The following PLAC1 variants were observed in gnomAD, a reference collection of about 807,000 sequenced individuals.
The protein encoded by PLAC1 is placenta-specific protein 1.
For synonymous variants in PLAC1, 68 were observed against 62.1 expected (o/e 1.09, Z -0.44); for missense variants, 136 against 163.2 (o/e 0.83, Z 0.91).
rs187846522 is a variant in PLAC1 at position 134,728,874 on chromosome X, T to C, written n.174+4561A>G. ...GATGTAATTATGATGCACATTTTTA[T>C]AGATGAGGAAACCGAGAAATGGGGA... On this transcript the variant is annotated intron_variant and non_coding_transcript_variant, in intron 2 of 2. Transcript: ENST00000466797. Among the ~76,000 whole-genome samples, 206 of 112,025 alleles carry C rather than the reference T, an allele frequency of 1.8e-3. 1 individual carries two copies. Among genetic ancestry groups the C allele is most frequent in the Non-Finnish European group, 2.6e-3 (136 of 53,217 alleles).
At chrX:134,681,020 T>A (rs1204189365) in intron 2 of PLAC1, among the ~76,000 whole-genome samples, 1 of 111,494 alleles carries the variant, frequency 9.0e-6, no homozygotes, top group African/African-American at 3.3e-5. Context: ...AGAATTGCAA[T>A]CAGGCTCATG....
intron 2 of PLAC1, among the ~76,000 whole-genome samples, chrX:134,586,564 G>A (rs1160992616): frequency 9.0e-6 from 1 of 111,051 alleles, no homozygotes; most frequent in Non-Finnish European, 1.9e-5. Flanking sequence ...AGGACGCAGA[G>A]GGCAGCTAGG....
chrX:134,703,189 T>A (rs971571907), intron 2 of PLAC1, among the ~76,000 whole-genome samples: 8 of 111,629 alleles, frequency 7.2e-5, no homozygotes, highest in African/African-American at 2.6e-4. Flanking sequence ...CAATAGGAAC[T>A]CAGATTGAAG....
intron 1 of PLAC1, among the ~76,000 whole-genome samples, chrX:134,652,127 T>C (rs1250687968): frequency 3.6e-5 from 4 of 111,498 alleles, no homozygotes; most frequent in Non-Finnish European, 7.5e-5. Context: ...TAATTAAGCC[T>C]TTTTGGGTTA....
At chrX:134,739,994 G>A (rs946781561) in intron 1 of PLAC1, among the ~76,000 whole-genome samples, 4 of 111,495 alleles carry the variant, frequency 3.6e-5, no homozygotes, top group Admixed American at 9.5e-5. Context: ...TAATTCAAAG[G>A]CCCTTCAAAA....
At chrX:134,619,650 CAAAAAAA>C (rs374028482) in intron 1 of PLAC1, among the ~76,000 whole-genome samples, 37 of 55,470 alleles carry the variant, frequency 6.7e-4, no homozygotes, top group African/African-American at 1.4e-3. Context: ...GACTCCATCT[CAAAAAAA>C]AAAAAAAGAA....
intron 2 of PLAC1, among the ~76,000 whole-genome samples, chrX:134,579,168 A>G (rs965137647): frequency 9.1e-6 from 1 of 110,147 alleles, no homozygotes; most frequent in African/African-American, 3.3e-5. Context: ...CCCCAATAGA[A>G]TGCACTCCCT....
intron 1 of PLAC1, among the ~76,000 whole-genome samples, chrX:134,744,802 G>A (rs767361644): frequency 9.0e-6 from 1 of 111,535 alleles, no homozygotes; most frequent in Non-Finnish European, 1.9e-5. Flanking sequence ...CTACCAGCCT[G>A]GGTTCCTAGG....
rs1251316010 is a variant in PLAC1 at position 134,621,644 on chromosome X, C to T, written c.-130-19522G>A. 4.5e-5 allele frequency among the ~76,000 whole-genome samples: 5 copies of T among 110,104 alleles called. 1 individual carries two copies. ...CTGAGTATGTTCACTCTCTCTTTTT[C>T]CCTGCTGCCCTTTTCTATTTTGCAA... On this transcript the variant is annotated intron_variant, in intron 1 of 2. Coordinates refer to ENST00000359237, the MANE Select transcript of PLAC1 (RefSeq NM_021796.4).
At chrX:134,578,338 G>A (rs1602792641) in intron 2 of PLAC1, among the ~76,000 whole-genome samples, 1 of 103,326 alleles carries the variant, frequency 9.7e-6, no homozygotes, top group Non-Finnish European at 2.0e-5. Context: ...GCGTGAACCC[G>A]GGAGGCAGAA....
At chrX:134,673,174 A>G (rs2078461761) in intron 2 of PLAC1, among the ~76,000 whole-genome samples, 1 of 109,093 alleles carries the variant, frequency 9.2e-6, no homozygotes, top group Admixed American at 9.9e-5. Context: ...GAAAGAAGGA[A>G]GACAGGGGAG....
intron 1 of PLAC1, among the ~76,000 whole-genome samples, chrX:134,656,713 T>C (rs764076475): frequency 2.7e-5 from 3 of 111,031 alleles, no homozygotes; most frequent in Non-Finnish European, 5.7e-5. Context: ...GCCTCCTGAG[T>C]AGCTAGGACC....
At chrX:134,597,438 A>C (rs1392720821) in intron 2 of PLAC1, among the ~76,000 whole-genome samples, 4 of 112,405 alleles carry the variant, frequency 3.6e-5, no homozygotes, top group Admixed American at 9.5e-5. Context: ...CTGTTTCAAA[A>C]TCTTTGTCAG....
At chrX:134,578,628 C>T (rs758420046) in intron 2 of PLAC1, among the ~76,000 whole-genome samples, 1 of 104,404 alleles carries the variant, frequency 9.6e-6, no homozygotes, top group African/African-American at 3.5e-5. Context: ...AGCGATCCTC[C>T]TGCCTCAGCC....
At chrX:134,705,882 C>T (rs1569408634) in intron 2 of PLAC1, among the ~76,000 whole-genome samples, 3 of 112,118 alleles carry the variant, frequency 2.7e-5, no homozygotes, top group Middle Eastern at 4.6e-3. Flanking sequence ...CTGCCAAGTA[C>T]GGCTAAAAAC....
intron 1 of PLAC1, among the ~76,000 whole-genome samples, chrX:134,608,674 T>G (rs2078134553): frequency 1.7e-5 from 1 of 58,140 alleles, no homozygotes; most frequent in South Asian, 5.8e-4. Flanking sequence ...CTTTTTTTCT[T>G]TTTTCTTTTT....
intron 2 of PLAC1, among the ~76,000 whole-genome samples, chrX:134,583,927 C>T (rs1374635309): frequency 1.8e-5 from 2 of 110,167 alleles, no homozygotes; most frequent in Admixed American, 9.7e-5. Context: ...AGAAAACAAA[C>T]GACTTCTGTA....
chrX:134,603,289 A>ATATATATATATATATATATATATT (rs2078099785), intron 1 of PLAC1, among the ~76,000 whole-genome samples: 1 of 1,243 alleles, frequency 8.0e-4, no homozygotes, highest in African/African-American at 2.3e-3. Context: ...ATATATATAT[A>ATATATATATATATATATATATATT]TATATATATA....
intron 1 of PLAC1, chrX:134,605,472 G>A (rs2078118110): frequency 8.9e-6 from 1 of 112,290 alleles, no homozygotes; most frequent in South Asian, 3.7e-4. Flanking sequence ...CAAATGGCTG[G>A]AGACTGGGGG....
Sources: gnomAD v4.1 joint callset for allele counts (sites outside exome capture counted in the v4.1 genomes callset) on GRCh38, gnomAD v4.1.1 for gene constraint, MANE v1.5 for transcripts, NCBI Gene and HGNC (gene_info 2026-07-23, HGNC 2026-07-21) for gene names.